GPNMB: variants seen among roughly 807,000 people sequenced by gnomAD.
GPNMB encodes the protein glycoprotein nmb.
A neutral mutation model predicts 57.3 loss-of-function variants in GPNMB; 71 were observed. The observed-to-expected ratio is 1.24, with a 90% CI of 1.02 to 1.51. The LOEUF (loss-of-function observed/expected upper bound fraction) is 1.51, where lower values mean the gene tolerates loss of function less well. GPNMB is among the 40% of genes most tolerant of loss of function. The pLI is 0.00. For synonymous variants in GPNMB, 253 were observed against 263.2 expected, an observed-to-expected ratio of 0.96 and a Z score of 0.38; for missense variants, 677 against 691.9, an observed-to-expected ratio of 0.98 and a Z score of 0.24.
chr7:23,259,836 C>T (rs1228304020), intron 4 of GPNMB, 144 bp from the exon 5 acceptor site: 1 of 650,134 alleles, frequency 1.5e-6, no homozygotes, highest in Non-Finnish European at 2.7e-6. Flanking sequence ...AGCACCATCT[C>T]CCTTTCTGAA....
At chr7:23,266,317 G>A (rs1488512444) in intron 6 of GPNMB, 200 bp from the exon 7 acceptor site, 1 of 558,436 alleles carries the variant, frequency 1.8e-6, no homozygotes, top group Non-Finnish European at 3.1e-6. Context: ...ACATAATTTA[G>A]CAATTATAAT....
In GPNMB at chr7:23,274,443, C is replaced by T. The variant is rs77253147; in HGVS notation, c.*219C>T. On this transcript the variant is annotated 3_prime_UTR_variant, in exon 11 of 11. Transcript: ENST00000258733. ...TGTGAAACTGATAAAAGCAACTTAG[C>T]AAGGCTTCTTTTCATTATTTTTTAT... 1.8e-5 allele frequency: 8 copies of T among 433,764 alleles called. No individual in the cohort carries two copies. The East Asian group carries it at 3.2e-4, about 17-fold the overall frequency. The allele number at this position is 433,764 out of a possible 1,614,324, so 26.9% of individuals were successfully genotyped here.
intron 4 of GPNMB, chr7:23,257,336 C>T (rs980897344): frequency 4.6e-5 from 27 of 586,388 alleles, no homozygotes; most frequent in Non-Finnish European, 7.8e-5. Flanking sequence ...TTTTTTCTAC[C>T]TAAAACCATA....
Position 23,260,491 on chromosome 7 carries a change from A to G in GPNMB, c.736A>G (p.Asn246Asp). ...TGTGTTTGTGACTATGTTCCAGAAG[A>G]ACGATCGAAATTCATCCGACGAAAC... ...IPVFVTMFQK[N>D]DRNSSDETFL... Residue 246 changes from asparagine to aspartate, a missense_variant, in exon 6 of 11, where the codon AAC (asparagine) becomes GAC (aspartate). Asn to Asp is a conservative substitution (Grantham distance 23). Transcript: ENST00000258733. 6.2e-7 allele frequency: 1 copy of G among 1,613,814 alleles called. No homozygotes were observed. Among genetic ancestry groups the G allele is most frequent in the Non-Finnish European group, 8.5e-7 (1 of 1,179,758 alleles).
intron 4 of GPNMB, chr7:23,257,350 A>G (rs576134874): frequency 5.2e-6 from 3 of 576,738 alleles, no homozygotes; most frequent in Non-Finnish European, 9.2e-6. Context: ...AACCATAACA[A>G]GAAAAAATGC....
rs202045461 is a variant in GPNMB at position 23,260,108 on chromosome 7, G to C, written c.670G>C (p.Ala224Pro). 1 of 1,613,920 alleles carries C rather than the reference G, an allele frequency of 6.2e-7. No homozygotes were observed. The highest frequency in any genetic ancestry group is 1.3e-5 in the African/African-American group (1 of 75,028). Residue 224 changes from alanine (A) to proline (P), a missense_variant, in exon 5 of 11, where the codon GCA becomes CCA. By Grantham distance (27) the Ala-to-Pro change is conservative (BLOSUM62 -1). Transcript: ENST00000258733. Reference protein sequence around the residue: ...RRHGRAYVPIAQVKDVYVVTD... With the variant: ...RRHGRAYVPIPQVKDVYVVTD... ...ACATGGACGGGCATATGTTCCCATC[G>C]CACAAGTGAAAGATGTGTACGTGGT...
chr7:23,272,190 T>A (rs1783223558), intron 9 of GPNMB, among the ~76,000 whole-genome samples: 2 of 152,262 alleles, frequency 1.3e-5, no homozygotes, highest in South Asian at 4.1e-4. Context: ...AGAGTCTTAA[T>A]TCATTCTATT....
intron 9 of GPNMB, among the ~76,000 whole-genome samples, chr7:23,272,328 C>A (rs996271195): frequency 1.3e-5 from 2 of 152,024 alleles, no homozygotes; most frequent in East Asian, 3.9e-4. Context: ...TTTCAAAAGC[C>A]AAATAAAGAA....
At chr7:23,268,410 T>C (rs1265712179) in intron 8 of GPNMB, among the ~76,000 whole-genome samples, 3 of 152,166 alleles carry the variant, frequency 2.0e-5, no homozygotes, top group African/African-American at 7.2e-5. Flanking sequence ...ACAGGAGTGC[T>C]CTTAAGCTCC....
intron 3 of GPNMB, 27 bp downstream of exon 3, chr7:23,254,339 A>G (rs368794826): frequency 1.9e-6 from 3 of 1,589,274 alleles, no homozygotes; most frequent in East Asian, 4.5e-5. Flanking sequence ...CTCCTAAACT[A>G]CTGGAGACCC....
chr7:23,273,380 T>C, intron 9 of GPNMB, 141 bp from the exon 10 acceptor site: 1 of 620,446 alleles, frequency 1.6e-6, no homozygotes, highest in Non-Finnish European at 2.9e-6. Context: ...ATGTATTATT[T>C]AATAGAAAAG....
At chr7:23,247,607 A>T (rs925449157) in intron 1 of GPNMB, 13 of 152,622 alleles carry the variant, frequency 8.5e-5, no homozygotes, top group African/African-American at 2.9e-4. Flanking sequence ...CAGATTCGCG[A>T]GAGGAAGAGA....
chr7:23,274,202 A>G lies in GPNMB; in HGVS notation c.1661A>G (p.Gln554Arg). The G allele has an allele frequency of 1.2e-6, 2 of 1,612,960 alleles. No homozygotes were observed. The highest frequency in any genetic ancestry group is 1.7e-6 in the Non-Finnish European group (2 of 1,179,686). ...GAAAAGGATCCGCTACTCAAAAACC[A>G]AGAATTTAAAGGAGTTTCTTAAATT... Reference protein sequence around the residue: ...NQEKDPLLKNQEFKGVS With the variant: ...NQEKDPLLKNREFKGVS Residue 554 changes from glutamine (Q) to arginine (R), a missense_variant, in exon 11 of 11, where the codon CAA becomes CGA. By Grantham distance (43) the Gln-to-Arg change is conservative. Transcript: ENST00000258733.
chr7:23,274,833 T>C lies in GPNMB; in HGVS notation c.*609T>C, dbSNP rs1783298909. 6.6e-6 allele frequency: 1 copy of C among 152,242 alleles called. No homozygotes were observed. Among genetic ancestry groups the C allele is most frequent in the South Asian group, 2.1e-4 (1 of 4,836 alleles). The allele number at this position is 152,242 out of a possible 1,614,324, so 9.4% of individuals were successfully genotyped here. ...TGGCTGAGTGAAGGAATGATATTCA[T>C]ATATTCATTTATTCCATGGACATTT... On this transcript the variant is annotated 3_prime_UTR_variant, in exon 11 of 11. Coordinates refer to ENST00000258733, the MANE Select transcript of GPNMB (RefSeq NM_002510.3).
In GPNMB at chr7:23,248,284, A is replaced by G. The variant is rs1485253455; in HGVS notation, c.70+1357A>G. ...TACCTCCCAGGACAGGCTACTTTAA[A>G]GACGAAGGAACACAGAATAGACCCG... On this transcript the variant is annotated intron_variant, in intron 1 of 10. Coordinates refer to ENST00000258733, the MANE Select transcript of GPNMB (RefSeq NM_002510.3). Among the ~76,000 whole-genome samples, 4 of 152,126 alleles carry G rather than the reference A, an allele frequency of 2.6e-5. No individual in the cohort carries two copies. The East Asian group carries it at 7.7e-4, about 29-fold the overall frequency.
Position 23,254,212 on chromosome 7 carries a change from C to A in GPNMB, c.267C>A (p.Leu89=), listed in dbSNP as rs113932410. 6 of 1,613,968 alleles carry A rather than the reference C, an allele frequency of 3.7e-6. No individual in the cohort carries two copies. Among genetic ancestry groups the A allele is most frequent in the African/African-American group, 1.3e-5 (1 of 74,914 alleles). The change falls in exon 3 of 11, where the codon CTC becomes CTA. Residue 89 remains leucine, a synonymous_variant. Coordinates refer to ENST00000258733, the MANE Select transcript of GPNMB (RefSeq NM_002510.3). ...QAVLTSDSPA[L]VGSNITFAVN... is the part of the protein sequence containing the mutation. ...TCCTGACCAGTGACTCACCAGCCCT[C>A]GTGGGCTCAAATATAACATTTGCGG...
chr7:23,249,163 C>T (rs542902381), intron 1 of GPNMB, among the ~76,000 whole-genome samples: 20 of 152,178 alleles, frequency 1.3e-4, no homozygotes, highest in Admixed American at 1.0e-3. Flanking sequence ...CTCAGGCAAT[C>T]GCCCACCCTC....
chr7:23,253,316 A>T lies in GPNMB; in HGVS notation c.80A>T (p.Asp27Val), dbSNP rs1304129158. The change falls in exon 2 of 11, where the codon GAT becomes GTT. Residue 27 changes from aspartate to valine, a missense_variant. Coordinates refer to ENST00000258733, the MANE Select transcript of GPNMB (RefSeq NM_002510.3). ...TCGAATATTGATACAGGATTTCATG[A>T]TGTGCTGGGCAATGAAAGACCTTCT... ...LPLDAAKRFHDVLGNERPSAY... is the reference protein window; with the variant it reads ...LPLDAAKRFHVVLGNERPSAY... 1 of 1,613,162 alleles carries T rather than the reference A, an allele frequency of 6.2e-7. No homozygotes were observed. The highest frequency in any genetic ancestry group is 8.5e-7 in the Non-Finnish European group (1 of 1,179,524).
At position 23,249,370 on chromosome 7, in the gene GPNMB, T is replaced by G. The variant is rs564815849; in HGVS notation, c.70+2443T>G. ...AAACAGGACATCACAGCCCAGATAT[T>G]GACATTGATACAGTGAAAACACAGC... On this transcript the variant is annotated intron_variant, in intron 1 of 10. Transcript: ENST00000258733. 8.5e-5 allele frequency among the ~76,000 whole-genome samples: 13 copies of G among 152,308 alleles called. No homozygotes were observed. The South Asian group carries it at 2.7e-3, about 32-fold the overall frequency.
Sources: gnomAD v4.1 joint callset for allele counts (sites outside exome capture counted in the v4.1 genomes callset) on GRCh38, gnomAD v4.1.1 for gene constraint, MANE v1.5 for transcripts, NCBI Gene and HGNC (gene_info 2026-07-23, HGNC 2026-07-21) for gene names.